KLHL29: variants seen among roughly 807,000 people sequenced by gnomAD.
KLHL29 encodes the protein kelch-like protein 29.
A neutral mutation model predicts 80.4 loss-of-function variants in KLHL29; 21 were observed. The observed-to-expected ratio is 0.26, with a 90% CI of 0.19 to 0.38. The LOEUF is 0.38. Among genes scored for constraint, KLHL29 ranks in the 10% least tolerant of loss-of-function variants. The pLI, the probability that KLHL29 is intolerant of heterozygous loss-of-function variation, is 1.00. For synonymous variants in KLHL29, 511 were observed against 526.8 expected (o/e 0.97, Z 0.41); for missense variants, 867 against 1,223.9 (o/e 0.71, Z 4.35).
At chr2:23,602,698 C>T (rs574391346) in intron 3 of KLHL29, among the ~76,000 whole-genome samples, 10 of 151,850 alleles carry the variant, frequency 6.6e-5, no homozygotes, top group African/African-American at 2.4e-4. Flanking sequence ...AAGCAGTCTA[C>T]CCATCTCAGC....
chr2:23,598,258 A>T (rs908328977), intron 3 of KLHL29, among the ~76,000 whole-genome samples: 14 of 150,948 alleles, frequency 9.3e-5, no homozygotes, highest in East Asian at 5.9e-4. Context: ...ATTTTAAGAT[A>T]AAAAAAAACC....
intron 3 of KLHL29, among the ~76,000 whole-genome samples, chr2:23,588,871 C>T (rs930888447): frequency 3.9e-5 from 6 of 152,112 alleles, no homozygotes; most frequent in Non-Finnish European, 8.8e-5. Context: ...TTAAGCCTGC[C>T]GAGAGAGAGG....
Position 23,642,392 on chromosome 2 carries a change from C to T in KLHL29, c.482C>T (p.Ala161Val), listed in dbSNP as rs1166855375. 5 of 1,448,268 alleles carry T rather than the reference C, an allele frequency of 3.5e-6. No homozygotes were observed. The highest frequency in any genetic ancestry group is 2.7e-6 in the Non-Finnish European group (3 of 1,094,790). 89.7% of individuals were successfully genotyped at this position (1,448,268 alleles called of 1,614,324 possible). The change falls in exon 5 of 14, where the codon GCA becomes GTA. Residue 161 changes from alanine (A) to valine (V), a missense_variant. By Grantham distance (64) the Ala-to-Val change is moderately conservative. Transcript: ENST00000486442. ...VAAGNQPTLIAHSYGVAQPPT... is the reference protein window; with the variant it reads ...VAAGNQPTLIVHSYGVAQPPT... Reference sequence around the variant, plus strand: ...GCCGGGAACCAGCCCACCCTGATTGCACACTCCTATGGAGTGGCCCAGCCT... The same window carrying T: ...GCCGGGAACCAGCCCACCCTGATTGTACACTCCTATGGAGTGGCCCAGCCT...
chr2:23,674,091 C>T (rs533556647), intron 5 of KLHL29, among the ~76,000 whole-genome samples: 2 of 152,294 alleles, frequency 1.3e-5, no homozygotes, highest in African/African-American at 4.8e-5. Flanking sequence ...ATCCCCTCCT[C>T]GGTGCCACCT....
At chr2:23,479,933 C>A (rs933253822) in intron 2 of KLHL29, among the ~76,000 whole-genome samples, 1 of 152,226 alleles carries the variant, frequency 6.6e-6, no homozygotes, top group Non-Finnish European at 1.5e-5. Context: ...GATTACAGAA[C>A]CACCGACAGT....
chr2:23,699,935 C>T (rs957990957), intron 11 of KLHL29, among the ~76,000 whole-genome samples: 3 of 152,368 alleles, frequency 2.0e-5, no homozygotes, highest in Admixed American at 2.0e-4. Flanking sequence ...AACTCTGACT[C>T]CTGCTTCACA....
chr2:23,581,390 G>A (rs1667976558), intron 3 of KLHL29, among the ~76,000 whole-genome samples: 1 of 152,200 alleles, frequency 6.6e-6, no homozygotes, highest in South Asian at 2.1e-4. Flanking sequence ...AGCTGGTTGA[G>A]GATGAACCTC....
At chr2:23,620,026 A>G (rs1669128455) in intron 3 of KLHL29, among the ~76,000 whole-genome samples, 1 of 152,208 alleles carries the variant, frequency 6.6e-6, no homozygotes, top group Non-Finnish European at 1.5e-5. Context: ...AAGGGAGGCC[A>G]GAGAAGGGAG....
intron 2 of KLHL29, among the ~76,000 whole-genome samples, chr2:23,484,719 G>A (rs185937507): frequency 2.6e-5 from 4 of 152,256 alleles, no homozygotes; most frequent in African/African-American, 4.8e-5. Flanking sequence ...AAATGCATTC[G>A]CGGTGCTCTG....
chr2:23,660,520 CAGG>C (rs1670375467), intron 5 of KLHL29, among the ~76,000 whole-genome samples: 1 of 152,226 alleles, frequency 6.6e-6, no homozygotes, highest in African/African-American at 2.4e-5. Context: ...CCTGAGGAGG[CAGG>C]AGAATTCCAG....
chr2:23,458,687 T>A (rs745529100), intron 1 of KLHL29, among the ~76,000 whole-genome samples: 9 of 152,150 alleles, frequency 5.9e-5, no homozygotes, highest in Non-Finnish European at 1.3e-4. Context: ...AGAATCAGCA[T>A]GAACCAGGTG....
At chr2:23,530,052 A>G (rs1439556516) in intron 2 of KLHL29, among the ~76,000 whole-genome samples, 2 of 152,188 alleles carry the variant, frequency 1.3e-5, no homozygotes, top group African/African-American at 4.8e-5. Flanking sequence ...TCAGTTCTGC[A>G]GGGCTGGAAG....
chr2:23,441,084 G>A (rs1413913177), intron 1 of KLHL29, among the ~76,000 whole-genome samples: 1 of 152,126 alleles, frequency 6.6e-6, no homozygotes, highest in Non-Finnish European at 1.5e-5. Context: ...CAACCCACAT[G>A]TCCAACAATG....
chr2:23,656,893 A>T (rs1223274439), intron 5 of KLHL29, among the ~76,000 whole-genome samples: 1 of 151,238 alleles, frequency 6.6e-6, no homozygotes, highest in Non-Finnish European at 1.5e-5. Context: ...ATCGGTTTGG[A>T]ACAGTCCTGT....
At chr2:23,422,861 C>T (rs990631932) in intron 1 of KLHL29, among the ~76,000 whole-genome samples, 5 of 152,226 alleles carry the variant, frequency 3.3e-5, no homozygotes, top group African/African-American at 7.2e-5. Context: ...TGATGGATGC[C>T]GCTGTGCTCC....
intron 2 of KLHL29, chr2:23,507,191 G>A (rs1465121137): frequency 5.5e-6 from 2 of 362,300 alleles, no homozygotes; most frequent in Non-Finnish European, 1.3e-5. Flanking sequence ...CCTTCCTGGT[G>A]CAGGGACCCA....
intron 2 of KLHL29, among the ~76,000 whole-genome samples, chr2:23,536,804 C>T (rs529062129): frequency 2.6e-5 from 4 of 151,974 alleles, no homozygotes; most frequent in African/African-American, 9.7e-5. Context: ...TAAGTAGGTA[C>T]CATGCCTATA....
At chr2:23,574,505 G>C (rs1667794974) in intron 3 of KLHL29, among the ~76,000 whole-genome samples, 1 of 152,160 alleles carries the variant, frequency 6.6e-6, no homozygotes, top group Admixed American at 6.5e-5. Context: ...CTGGTTCGTG[G>C]AGACAAAAGG....
At chr2:23,395,601 C>T (rs1358144013) in intron 1 of KLHL29, among the ~76,000 whole-genome samples, 1 of 152,092 alleles carries the variant, frequency 6.6e-6, no homozygotes, top group East Asian at 1.9e-4. Context: ...AAAAATTAGC[C>T]AGGCGTGGTG....
Sources: allele counts gnomAD v4.1 joint callset (sites outside exome capture counted in the v4.1 genomes callset), GRCh38; gene constraint gnomAD v4.1.1; transcripts MANE v1.5; gene names NCBI Gene and HGNC (gene_info 2026-07-23, HGNC 2026-07-21).